ROR1: variants seen among roughly 807,000 people sequenced by gnomAD.
ROR1 encodes the protein ROR family WNT receptor 1.
ROR1 carries 19 observed loss-of-function variants against 78.8 expected under a neutral mutation model. The observed-to-expected ratio is 0.24, with a 90% confidence interval of 0.17 to 0.35. The LOEUF (loss-of-function observed/expected upper bound fraction) is 0.35. Among genes scored for constraint, ROR1 ranks in the 10% least tolerant of loss-of-function variants. ROR1 has a pLI of 1.00. For missense variants in ROR1, 917 were observed against 1,177.8 expected (o/e 0.78, Z 3.24); for synonymous variants, 386 against 433.6 (o/e 0.89, Z 1.36).
At chr1:64,104,920 A>G (rs1053493128) in intron 4 of ROR1, among the ~76,000 whole-genome samples, 5 of 152,214 alleles carry the variant, frequency 3.3e-5, no homozygotes, top group Admixed American at 2.6e-4. Flanking sequence ...TGCAATAAAC[A>G]TATGTGTGCA....
At chr1:63,817,494 T>C (rs943452976) in intron 1 of ROR1, among the ~76,000 whole-genome samples, 3 of 152,196 alleles carry the variant, frequency 2.0e-5, no homozygotes, top group Non-Finnish European at 4.4e-5. Context: ...TTATTTAATT[T>C]CCTGTTGGAA....
chr1:63,818,337 T>C (rs1226604795), intron 1 of ROR1, among the ~76,000 whole-genome samples: 1 of 152,228 alleles, frequency 6.6e-6, no homozygotes, highest in Non-Finnish European at 1.5e-5. Flanking sequence ...GTTGGCTCTT[T>C]GGTAGAATGA....
At position 63,825,054 on chromosome 1, in the gene ROR1, G is replaced by T. The variant is rs192630826; in HGVS notation, c.91+50546G>T. 2.9e-4 allele frequency among the ~76,000 whole-genome samples: 44 copies of T among 152,262 alleles called. 1 individual carries two copies. Among genetic ancestry groups the T allele is most frequent in the African/African-American group, 8.4e-4 (35 of 41,556 alleles). ...TACCAAGCATTGGTAAGGATGTAGA[G>T]AAACTGAAATCCTCATCCATTTCTG... is the stretch of plus-strand genomic sequence containing the variant. On this transcript the variant is annotated intron_variant, in intron 1 of 8. Coordinates refer to ENST00000371079, the MANE Select transcript of ROR1 (RefSeq NM_005012.4).
chr1:64,079,470 A>ATTT (rs71056020), intron 4 of ROR1, among the ~76,000 whole-genome samples: 1,470 of 146,216 alleles, frequency 0.01, 23 homozygotes, highest in Non-Finnish European at 0.014. Flanking sequence ...CTTGATTGGG[A>ATTT]TTTTTTTTTT....
chr1:64,008,396 G>A lies in ROR1; in HGVS notation c.92-909G>A, dbSNP rs60726172. Among the ~76,000 whole-genome samples, 36 of 152,150 alleles carry A rather than the reference G, an allele frequency of 2.4e-4. No individual in the cohort carries two copies. The East Asian group carries it at 6.8e-3, about 29-fold the overall frequency. ...GCACCTAGGTTGATTCCATGTCTTCGCTATTATGAATAGTGCTGTGATGAA... is the reference window on the plus strand; with the variant it reads ...GCACCTAGGTTGATTCCATGTCTTCACTATTATGAATAGTGCTGTGATGAA... On this transcript the variant is annotated intron_variant, in intron 1 of 8. Transcript: ENST00000371079.
rs1217744833 is a variant in ROR1 at position 63,874,319 on chromosome 1, CT to C, written c.91+99813del. Among the ~76,000 whole-genome samples, 4 of 151,440 alleles carry C rather than the reference CT, an allele frequency of 2.6e-5. 1 individual carries two copies. The East Asian group carries it at 7.8e-4, about 29-fold the overall frequency. On this transcript the variant is annotated intron_variant, in intron 1 of 8. Transcript: ENST00000371079. ...AAAAGCCATTTAAGACTTTTTTTTCCTTCTTTTTTGAAGGTTGCTTCTTTTG... is the reference window on the plus strand; with the variant it reads ...AAAAGCCATTTAAGACTTTTTTTTCCTCTTTTTTGAAGGTTGCTTCTTTTG...
At chr1:63,874,684 C>T (rs1177351091) in intron 1 of ROR1, among the ~76,000 whole-genome samples, 1 of 152,132 alleles carries the variant, frequency 6.6e-6, no homozygotes, top group East Asian at 1.9e-4. Flanking sequence ...TGAGTAAGGT[C>T]CCTGGGCTGC....
chr1:63,855,648 G>A (rs1162823207), intron 1 of ROR1, among the ~76,000 whole-genome samples: 1 of 151,134 alleles, frequency 6.6e-6, no homozygotes, highest in Non-Finnish European at 1.5e-5. Flanking sequence ...GAAGTTTGAT[G>A]TAGCTCTTTT....
At chr1:64,055,601 A>G (rs1314927345) in intron 4 of ROR1, among the ~76,000 whole-genome samples, 1 of 152,242 alleles carries the variant, frequency 6.6e-6, no homozygotes, top group Non-Finnish European at 1.5e-5. Context: ...CCAGATCCCA[A>G]GAGGCAAAGG....
At chr1:63,787,916 C>T (rs1178241455) in intron 1 of ROR1, among the ~76,000 whole-genome samples, 1 of 152,206 alleles carries the variant, frequency 6.6e-6, no homozygotes, top group African/African-American at 2.4e-5. Flanking sequence ...CATAGTCTTT[C>T]CTTGGGATTT....
chr1:63,895,787 A>C lies in ROR1; in HGVS notation c.92-113518A>C, dbSNP rs559119127. 2.6e-5 allele frequency among the ~76,000 whole-genome samples: 4 copies of C among 152,238 alleles called. No individual in the cohort carries two copies. The East Asian group carries it at 7.7e-4, about 29-fold the overall frequency. On this transcript the variant is annotated intron_variant, in intron 1 of 8. Transcript: ENST00000371079. ...TTTGATAACTGTTGAAAAATTTTAC[A>C]ATTTTTTCTTTTCGTCTTGATTCTA...
chr1:63,929,423 T>TTC (rs143762265), intron 1 of ROR1, among the ~76,000 whole-genome samples: 1,948 of 150,170 alleles, frequency 0.013, 17 homozygotes, highest in Non-Finnish European at 0.019. Flanking sequence ...AGAGTTTCAG[T>TTC]TCTCTCTCTC....
Position 64,084,738 on chromosome 1 carries a change from AC to A in ROR1, c.482+34028del, listed in dbSNP as rs141447130. Among the ~76,000 whole-genome samples the A allele has an allele frequency of 8.4e-3, 1,285 of 152,220 alleles. 19 individuals carry two copies. Among genetic ancestry groups the A allele is most frequent in the African/African-American group, 0.03 (1,233 of 41,540 alleles). ...CAAGTATGACTTATGCCTGTTAATTACCCCCCAAACTCCTTCAACAGACAAA... is the reference window on the plus strand; with the variant it reads ...CAAGTATGACTTATGCCTGTTAATTACCCCCAAACTCCTTCAACAGACAAA... On this transcript the variant is annotated intron_variant, in intron 4 of 8. Transcript: ENST00000371079.
chr1:64,146,072 C>T (rs1473572936), intron 7 of ROR1, among the ~76,000 whole-genome samples: 2 of 152,180 alleles, frequency 1.3e-5, no homozygotes, highest in African/African-American at 4.8e-5. Context: ...TGCTACGTTG[C>T]CCAGGCTGGT....
intron 2 of ROR1, among the ~76,000 whole-genome samples, chr1:64,013,429 C>A (rs943148077): frequency 8.5e-5 from 13 of 152,154 alleles, no homozygotes; most frequent in African/African-American, 3.1e-4. Flanking sequence ...ACTCAATATT[C>A]AATTTATTTC....
At chr1:63,932,621 C>T (rs1645762915) in intron 1 of ROR1, among the ~76,000 whole-genome samples, 1 of 152,142 alleles carries the variant, frequency 6.6e-6, no homozygotes, top group African/African-American at 2.4e-5. Flanking sequence ...CACACATTAC[C>T]TTACCTGATT....
chr1:64,052,208 G>A (rs905392824), intron 4 of ROR1, among the ~76,000 whole-genome samples: 1 of 146,872 alleles, frequency 6.8e-6, no homozygotes, highest in African/African-American at 2.5e-5. Context: ...TTTTTCAATG[G>A]TCTCACCATT....
intron 2 of ROR1, among the ~76,000 whole-genome samples, chr1:64,017,462 A>T (rs918345495): frequency 3.3e-5 from 5 of 152,222 alleles, no homozygotes; most frequent in Admixed American, 2.0e-4. Flanking sequence ...ATGGAATTCT[A>T]TCCGGAAATA....
chr1:64,156,304 C>A (rs1247092395), intron 7 of ROR1, among the ~76,000 whole-genome samples: 1 of 152,158 alleles, frequency 6.6e-6, no homozygotes, highest in Non-Finnish European at 1.5e-5. Flanking sequence ...TGTGGCAGAC[C>A]GTCTTCTACT....
Sources: allele counts gnomAD v4.1 joint callset (sites outside exome capture counted in the v4.1 genomes callset), GRCh38; gene constraint gnomAD v4.1.1; transcripts MANE v1.5; gene names NCBI Gene and HGNC (gene_info 2026-07-23, HGNC 2026-07-21).